Variants in TMOD2 observed in about 807,000 individuals in gnomAD.
The protein encoded by TMOD2 is tropomodulin 2.
In TMOD2, 22 loss-of-function variants were observed where a neutral mutation model predicts 39.9. That is an observed-to-expected ratio of 0.55 (90% CI 0.39 to 0.79). TMOD2 has a LOEUF of 0.79. TMOD2 is among the 30% of genes least tolerant of loss of function. The pLI is 0.00. For missense variants in TMOD2, 386 were observed against 413.3 expected, an observed-to-expected ratio of 0.93 and a Z score of 0.57; for synonymous variants, 123 against 146.1, an observed-to-expected ratio of 0.84 and a Z score of 1.14.
At chr15:51,762,584 G>A (rs1050873583) in intron 1 of TMOD2, among the ~76,000 whole-genome samples, 1 of 152,194 alleles carries the variant, frequency 6.6e-6, no homozygotes, top group Non-Finnish European at 1.5e-5. Context: ...CAAGTGTACA[G>A]TTTGATAAGT....
In TMOD2 at chr15:51,810,750, C is replaced by CT. The variant is rs112265395; in HGVS notation, c.*2313dup. On this transcript the variant is annotated 3_prime_UTR_variant, in exon 10 of 10. Transcript: ENST00000249700. ...CTGCCTCTCCAAGTAAGCCTTTTTC[C>CT]TTTTTTTTTTTTTTTTTCTTACTCT... The CT allele has an allele frequency of 6.3e-3, 874 of 139,268 alleles. 4 individuals carry two copies. Among genetic ancestry groups the CT allele is most frequent in the Middle Eastern group, 0.027 (7 of 260 alleles). 8.6% of individuals were successfully genotyped at this position (139,268 alleles called of 1,614,324 possible).
chr15:51,783,060 T>C lies in TMOD2; in HGVS notation c.732+232T>C, dbSNP rs532135083. The C allele has an allele frequency of 1.6e-5, 8 of 509,474 alleles. No individual in the cohort carries two copies. The South Asian group carries it at 1.8e-4, about 11-fold the overall frequency. 31.6% of individuals were successfully genotyped at this position (509,474 alleles called of 1,614,324 possible). The stretch of plus-strand genomic sequence containing the variant: ...ACAGTTTTCAGAGAAAGAAACAAGA[T>C]AAGTTTGGCATTTAACTAACTGAAT... On this transcript the variant is annotated intron_variant, in intron 7 of 9. Transcript: ENST00000249700.
At chr15:51,768,187 T>C (rs1486512621) in intron 2 of TMOD2, 75 bp from the exon 3 acceptor site, 1 of 1,536,790 alleles carries the variant, frequency 6.5e-7, no homozygotes, top group Non-Finnish European at 9.0e-7. Flanking sequence ...ACATAGTGAG[T>C]GGGGGTGGAA....
intron 5 of TMOD2, 60 bp downstream of exon 5, chr15:51,777,078 G>A: frequency 7.0e-7 from 1 of 1,426,902 alleles, no homozygotes; most frequent in Admixed American, 1.7e-5. Flanking sequence ...GTTGCTGGTA[G>A]GAGAGAGGCC....
intron 4 of TMOD2, among the ~76,000 whole-genome samples, chr15:51,775,576 T>C (rs1331634597): frequency 8.3e-4 from 108 of 129,404 alleles, no homozygotes; most frequent in African/African-American, 2.8e-3. Flanking sequence ...TTTCCTTTTT[T>C]TTTTTTTTTT....
chr15:51,807,997 C>T (rs1345710247), intron 9 of TMOD2, among the ~76,000 whole-genome samples: 1 of 152,172 alleles, frequency 6.6e-6, no homozygotes, highest in African/African-American at 2.4e-5. Flanking sequence ...AAACTTTGAA[C>T]TATTTGCAGC....
intron 1 of TMOD2, chr15:51,756,408 G>C (rs761765343): frequency 2.0e-5 from 3 of 152,260 alleles, no homozygotes; most frequent in Non-Finnish European, 4.4e-5. Flanking sequence ...GAGGGCTTGC[G>C]CTTGCTAGAC....
intron 8 of TMOD2, among the ~76,000 whole-genome samples, chr15:51,803,274 A>G (rs1051300117): frequency 5.5e-5 from 8 of 144,292 alleles, no homozygotes; most frequent in African/African-American, 2.1e-4. Flanking sequence ...TCCGCCTCCC[A>G]GGTTCAAGCG....
chr15:51,781,823 A>AGAGTGT (rs368954467), intron 6 of TMOD2, among the ~76,000 whole-genome samples: 47 of 149,504 alleles, frequency 3.1e-4, no homozygotes, highest in African/African-American at 9.9e-4. Context: ...AGAGAGAGAG[A>AGAGTGT]GTGTGTGTGT....
chr15:51,798,829 T>C (rs1490250556), intron 8 of TMOD2, among the ~76,000 whole-genome samples: 4 of 152,238 alleles, frequency 2.6e-5, no homozygotes. Flanking sequence ...GCTCCTGCAG[T>C]CTGATGCTGG....
At chr15:51,795,829 T>A (rs2056047604) in intron 7 of TMOD2, among the ~76,000 whole-genome samples, 1 of 152,028 alleles carries the variant, frequency 6.6e-6, no homozygotes, top group Non-Finnish European at 1.5e-5. Context: ...TCTATTATTT[T>A]CTTTTATTTC....
chr15:51,797,977 T>A (rs1039147171), intron 7 of TMOD2, among the ~76,000 whole-genome samples: 3 of 152,046 alleles, frequency 2.0e-5, no homozygotes, highest in African/African-American at 7.2e-5. Context: ...AAATAGTTTT[T>A]GCAAGTATGT....
chr15:51,812,637 A>T lies in TMOD2; in HGVS notation c.*4183A>T, dbSNP rs1339188546. ...TTTTACAAAGAAGATCCCATATTTA[A>T]TTCAAGTATTTATAGCATCAGCAAA... On this transcript the variant is annotated 3_prime_UTR_variant, in exon 10 of 10. Transcript: ENST00000249700. 6.6e-6 allele frequency: 1 copy of T among 152,166 alleles called. No homozygotes were observed. Among genetic ancestry groups the T allele is most frequent in the Non-Finnish European group, 1.5e-5 (1 of 68,016 alleles). 9.4% of individuals were successfully genotyped at this position (152,166 alleles called of 1,614,324 possible).
At chr15:51,784,760 T>G (rs934040758) in intron 7 of TMOD2, 2 of 152,200 alleles carry the variant, frequency 1.3e-5, no homozygotes, top group African/African-American at 4.8e-5. Context: ...TTAGTAGATT[T>G]TTTTCAGTAA....
chr15:51,764,385 A>G (rs966567842), intron 1 of TMOD2, among the ~76,000 whole-genome samples: 2 of 152,216 alleles, frequency 1.3e-5, no homozygotes, highest in Non-Finnish European at 2.9e-5. Flanking sequence ...GGGTATCGAC[A>G]CAGAAACCAC....
In TMOD2 at chr15:51,810,081, A is replaced by T. The variant is rs1449029574; in HGVS notation, c.*1627A>T. The T allele has an allele frequency of 6.6e-6, 1 of 152,128 alleles. No individual in the cohort carries two copies. The highest frequency in any genetic ancestry group is 2.4e-5 in the African/African-American group (1 of 41,420). 9.4% of individuals were successfully genotyped at this position (152,128 alleles called of 1,614,324 possible). On this transcript the variant is annotated 3_prime_UTR_variant, in exon 10 of 10. Coordinates refer to ENST00000249700, the MANE Select transcript of TMOD2 (RefSeq NM_014548.4). ...CACCTTTGGCCCCTGAAAATCCTTT[A>T]ATTAGTTTATGGCTTCATCTCCTTA...
intron 7 of TMOD2, among the ~76,000 whole-genome samples, chr15:51,797,779 T>C (rs2056061068): frequency 6.6e-6 from 1 of 151,984 alleles, no homozygotes; most frequent in Non-Finnish European, 1.5e-5. Flanking sequence ...TGCTAGTCAA[T>C]GGTAAAGTTT....
intron 7 of TMOD2, chr15:51,783,172 G>A: frequency 4.6e-6 from 1 of 215,546 alleles, no homozygotes; most frequent in Non-Finnish European, 9.3e-6. Flanking sequence ...AAGCCCTTCA[G>A]GAATTAGGCA....
chr15:51,776,925 T>C lies in TMOD2; in HGVS notation c.407-7T>C. 1 of 1,612,792 alleles carries C rather than the reference T, an allele frequency of 6.2e-7. No homozygotes were observed. Among genetic ancestry groups the C allele is most frequent in the Non-Finnish European group, 8.5e-7 (1 of 1,178,928 alleles). ...AAACTTAATGCTCATTTGTTGACTG[T>C]TTTTAGCTGTCCTTGGAGTACACAA... On this transcript the variant is annotated splice_region_variant and splice_polypyrimidine_tract_variant and intron_variant, in intron 4 of 9. Coordinates refer to ENST00000249700, the MANE Select transcript of TMOD2 (RefSeq NM_014548.4).
Sources: gnomAD v4.1 joint callset for allele counts (sites outside exome capture counted in the v4.1 genomes callset) on GRCh38, gnomAD v4.1.1 for gene constraint, MANE v1.5 for transcripts, NCBI Gene and HGNC (gene_info 2026-07-23, HGNC 2026-07-21) for gene names.